JAK2: variants seen among roughly 807,000 people sequenced by gnomAD.
JAK2 encodes the protein Janus kinase 2.
A neutral mutation model predicts 139.3 loss-of-function variants in JAK2; 86 were observed. That is an observed-to-expected ratio of 0.62 (90% confidence interval 0.52 to 0.74). The LOEUF is 0.74. Among genes scored for constraint, JAK2 ranks in the 30% least tolerant of loss-of-function variants. The pLI is 0.00. For synonymous variants in JAK2, 490 were observed against 437.7 expected (o/e 1.12, Z -1.49); for missense variants, 1,421 against 1,360.3 (o/e 1.04, Z -0.70).
At chr9:5,083,512 TTTA>T (rs1197086744) in intron 19 of JAK2, among the ~76,000 whole-genome samples, 1 of 152,218 alleles carries the variant, frequency 6.6e-6, no homozygotes, top group East Asian at 1.9e-4. Context: ...ACTTATAGCA[TTTA>T]TTGTTTCTTT....
intron 22 of JAK2, 34 bp downstream of exon 22, chr9:5,090,945 A>G (rs1820524613): frequency 7.1e-7 from 1 of 1,406,180 alleles, no homozygotes; most frequent in African/African-American, 1.5e-5. Flanking sequence ...ATGAAATTTT[A>G]GAGCACAGAC....
At position 5,022,875 on chromosome 9, in the gene JAK2, G is replaced by A. The variant is rs180712635; in HGVS notation, c.226+662G>A. Among the ~76,000 whole-genome samples the A allele has an allele frequency of 2.1e-4, 32 of 152,232 alleles. No individual in the cohort carries two copies. In the East Asian group the frequency reaches 6.0e-3, roughly 28 times the overall value. On this transcript the variant is annotated intron_variant, in intron 3 of 24. Transcript: ENST00000381652. ...CTAGTTGACACTATTTTGAAGAATA[G>A]TCGTATGATTTTATTTGTAGAGGCA... is the stretch of plus-strand genomic sequence containing the variant.
chr9:5,044,382 A>C (rs913352383), intron 4 of JAK2, 21 bp from the exon 5 acceptor site: 5 of 1,492,598 alleles, frequency 3.3e-6, no homozygotes, highest in South Asian at 1.1e-5. Flanking sequence ...AAGCTGACCA[A>C]ATGTTTTTAT....
intron 22 of JAK2, chr9:5,097,209 T>G (rs1034887422): frequency 6.6e-6 from 1 of 152,234 alleles, no homozygotes; most frequent in Admixed American, 6.5e-5. Context: ...AACACCCCTT[T>G]TCGTCCAACC....
At chr9:5,001,178 A>G (rs904402750) in intron 2 of JAK2, among the ~76,000 whole-genome samples, 2 of 152,070 alleles carry the variant, frequency 1.3e-5, no homozygotes, top group African/African-American at 2.4e-5. Flanking sequence ...TTCAATCTCT[A>G]TGTCTTTTAT....
intron 19 of JAK2, among the ~76,000 whole-genome samples, chr9:5,088,652 T>C (rs552406097): frequency 6.6e-6 from 1 of 152,306 alleles, no homozygotes; most frequent in East Asian, 1.9e-4. Context: ...CATCAGACAT[T>C]TATTTCTTTG....
At chr9:5,110,904 C>T in intron 22 of JAK2, 1 of 555,036 alleles carries the variant, frequency 1.8e-6, no homozygotes, top group Non-Finnish European at 3.4e-6. Flanking sequence ...CCCGCTCTGG[C>T]CCCAAGAGAA....
intron 2 of JAK2, among the ~76,000 whole-genome samples, chr9:5,016,961 A>G (rs1822105968): frequency 6.6e-6 from 1 of 152,258 alleles, no homozygotes; most frequent in African/African-American, 2.4e-5. Context: ...GAATCTTTAG[A>G]TTAAAAGTAT....
chr9:5,036,025 C>T (rs1458104117), intron 4 of JAK2, among the ~76,000 whole-genome samples: 1 of 152,230 alleles, frequency 6.6e-6, no homozygotes, highest in Non-Finnish European at 1.5e-5. Flanking sequence ...TAAGCAACTT[C>T]AGCAAAGTCT....
chr9:5,044,866 G>T (rs1246261105), intron 5 of JAK2, among the ~76,000 whole-genome samples: 1 of 152,042 alleles, frequency 6.6e-6, no homozygotes, highest in East Asian at 1.9e-4. Context: ...TTTCTTTATG[G>T]TTTTTAAAAA....
chr9:4,993,990 G>A lies in JAK2; in HGVS notation c.-26+7968G>A, dbSNP rs537711393. On this transcript the variant is annotated intron_variant, in intron 2 of 24. Coordinates refer to ENST00000381652, the MANE Select transcript of JAK2 (RefSeq NM_004972.4). ...TGTGCCTTGCAGTGGGTGATGTCCTGTCTAGGGTTGGTTCCCACCTTGTGC... is the reference window on the plus strand; with the variant it reads ...TGTGCCTTGCAGTGGGTGATGTCCTATCTAGGGTTGGTTCCCACCTTGTGC... 5.0e-4 allele frequency among the ~76,000 whole-genome samples: 76 copies of A among 152,334 alleles called. 1 individual carries two copies. In the South Asian group the frequency reaches 6.2e-3, roughly 12 times the overall value.
At chr9:5,077,852 C>T (rs1282324325) in intron 15 of JAK2, among the ~76,000 whole-genome samples, 1 of 152,106 alleles carries the variant, frequency 6.6e-6, no homozygotes, top group East Asian at 1.9e-4. Flanking sequence ...AAAATTCAAC[C>T]AAAAATTATG....
At chr9:4,994,210 A>C (rs1279890325) in intron 2 of JAK2, among the ~76,000 whole-genome samples, 1 of 152,192 alleles carries the variant, frequency 6.6e-6, no homozygotes, top group Non-Finnish European at 1.5e-5. Context: ...TGCCATAGGA[A>C]CTTCCTTATC....
intron 22 of JAK2, chr9:5,112,165 C>T: frequency 3.6e-6 from 1 of 277,964 alleles, no homozygotes; most frequent in South Asian, 3.1e-5. Context: ...CACGCTGCTA[C>T]CCGGCCACCG....
chr9:5,089,948 C>A, intron 20 of JAK2, 85 bp downstream of exon 20: 3 of 920,982 alleles, frequency 3.3e-6, no homozygotes, highest in Non-Finnish European at 3.0e-6. Flanking sequence ...TCTTAACGAT[C>A]TGGACTTATG....
At chr9:5,110,908 A>C in intron 22 of JAK2, 1 of 557,458 alleles carries the variant, frequency 1.8e-6, no homozygotes. Context: ...CTCTGGCCCC[A>C]AGAGAATGAA....
At position 5,069,936 on chromosome 9, in the gene JAK2, C is replaced by T; in HGVS notation, c.1525C>T (p.Leu509Phe). The T allele has an allele frequency of 6.3e-7, 1 of 1,595,790 alleles. No homozygotes were observed. Among genetic ancestry groups the T allele is most frequent in the South Asian group, 1.1e-5 (1 of 88,866 alleles). The change falls in exon 12 of 25, where the codon CTT becomes TTT. Residue 509 changes from leucine to phenylalanine, a missense_variant. Transcript: ENST00000381652. ...CPPKPKDKSNLLVFRTNGVSD... is the reference protein window; with the variant it reads ...CPPKPKDKSNFLVFRTNGVSD... ...TTTTATTTTTTCAGATAAATCAAAC[C>T]TTCTAGTCTTCAGAACGAATGGTGT...
At chr9:4,992,611 A>G (rs1342101292) in intron 2 of JAK2, among the ~76,000 whole-genome samples, 1 of 152,194 alleles carries the variant, frequency 6.6e-6, no homozygotes, top group Non-Finnish European at 1.5e-5. Context: ...CCATCATGAC[A>G]GTAACTCAGA....
At chr9:5,006,411 A>T (rs1412626466) in intron 2 of JAK2, among the ~76,000 whole-genome samples, 1 of 152,148 alleles carries the variant, frequency 6.6e-6, no homozygotes, top group Non-Finnish European at 1.5e-5. Flanking sequence ...GGGGTTTTCT[A>T]GATATACAAT....
Sources: gnomAD v4.1 joint callset for allele counts (sites outside exome capture counted in the v4.1 genomes callset) on GRCh38, gnomAD v4.1.1 for gene constraint, MANE v1.5 for transcripts, NCBI Gene and HGNC (gene_info 2026-07-23, HGNC 2026-07-21) for gene names.